The following UBE2K variants were observed in gnomAD, a reference collection of about 807,000 sequenced individuals.
UBE2K encodes ubiquitin-conjugating enzyme E2 K.
A neutral mutation model predicts 30.0 loss-of-function variants in UBE2K; 6 were observed. The observed-to-expected ratio is 0.20, with a 90% CI of 0.11 to 0.39. The LOEUF is 0.39. UBE2K is among the 10% of genes least tolerant of loss of function. The pLI, the probability that UBE2K is intolerant of heterozygous loss-of-function variation, is 1.00. For missense variants in UBE2K, 61 were observed against 241.6 expected, an observed-to-expected ratio of 0.25 and a Z score of 4.96; for synonymous variants, 86 against 83.7, an observed-to-expected ratio of 1.03 and a Z score of -0.15.
At chr4:39,760,196 A>AAAAAG (rs1560372509) in intron 4 of UBE2K, among the ~76,000 whole-genome samples, 80 of 7,894 alleles carry the variant, frequency 0.01, no homozygotes, top group East Asian at 0.044. Flanking sequence ...AAAAAAACAG[A>AAAAAG]AAAAAAAAAA....
intron 6 of UBE2K, among the ~76,000 whole-genome samples, chr4:39,778,012 C>T (rs553621802): frequency 6.8e-6 from 1 of 147,418 alleles, no homozygotes; most frequent in African/African-American, 2.5e-5. Flanking sequence ...GTGAGAGAAT[C>T]CCTTGGGCCC....
intron 1 of UBE2K, among the ~76,000 whole-genome samples, chr4:39,705,786 C>G (rs901667120): frequency 1.1e-4 from 16 of 150,156 alleles, no homozygotes; most frequent in African/African-American, 3.7e-4. Context: ...CTCCCAGGTT[C>G]AACCAATACC....
chr4:39,754,797 A>C (rs915354410), intron 3 of UBE2K, among the ~76,000 whole-genome samples: 4 of 152,124 alleles, frequency 2.6e-5, no homozygotes, highest in Admixed American at 2.0e-4. Flanking sequence ...GTGAGTGCTA[A>C]TTTTTGTGAA....
intron 4 of UBE2K, among the ~76,000 whole-genome samples, chr4:39,769,334 A>G (rs1300978309): frequency 6.7e-6 from 1 of 149,406 alleles, no homozygotes; most frequent in African/African-American, 2.5e-5. Context: ...AAAATACTGT[A>G]TGTCTCTACT....
chr4:39,766,532 C>T (rs1340468763), intron 4 of UBE2K, among the ~76,000 whole-genome samples: 2 of 151,042 alleles, frequency 1.3e-5, no homozygotes, highest in African/African-American at 4.9e-5. Flanking sequence ...GGATATTAAG[C>T]CCTCACCAGA....
chr4:39,740,795 G>A (rs568856651), intron 2 of UBE2K, among the ~76,000 whole-genome samples: 10 of 150,304 alleles, frequency 6.7e-5, no homozygotes, highest in Admixed American at 4.0e-4. Flanking sequence ...CCCGGGAGGC[G>A]GAGCTTGCAG....
intron 3 of UBE2K, among the ~76,000 whole-genome samples, chr4:39,754,467 T>G (rs893933472): frequency 5.9e-5 from 9 of 152,140 alleles, no homozygotes; most frequent in Non-Finnish European, 1.3e-4. Flanking sequence ...AAGAGAGAAG[T>G]GGAAACTCTT....
At chr4:39,708,805 G>C (rs568491668) in intron 1 of UBE2K, among the ~76,000 whole-genome samples, 1 of 151,936 alleles carries the variant, frequency 6.6e-6, no homozygotes, top group Admixed American at 6.6e-5. Context: ...TTGCATACCA[G>C]TTTAGTCATA....
chr4:39,741,123 TAGC>T (rs1272641384), intron 2 of UBE2K, among the ~76,000 whole-genome samples: 2 of 151,890 alleles, frequency 1.3e-5, no homozygotes, highest in Non-Finnish European at 2.9e-5. Context: ...ATACAAAAAT[TAGC>T]TGGGTGTGGT....
At position 39,758,774 on chromosome 4, in the gene UBE2K, G is replaced by A. The variant is rs376861623; in HGVS notation, c.299+3035G>A. Among the ~76,000 whole-genome samples, 4 of 152,140 alleles carry A rather than the reference G, an allele frequency of 2.6e-5. No individual in the cohort carries two copies. The East Asian group carries it at 5.8e-4, about 22-fold the overall frequency. On this transcript the variant is annotated intron_variant, in intron 4 of 6. Coordinates refer to ENST00000261427, the MANE Select transcript of UBE2K (RefSeq NM_005339.5). ...AGTTAAGCCAACAGTACTATTACTT[G>A]TAATTATCTTCCTATATAGCTAGTT...
chr4:39,737,042 A>T (rs1238359658), intron 1 of UBE2K, among the ~76,000 whole-genome samples: 1 of 152,216 alleles, frequency 6.6e-6, no homozygotes, highest in East Asian at 1.9e-4. Context: ...TCGTGGGGGT[A>T]TAGTGCAGAA....
intron 1 of UBE2K, among the ~76,000 whole-genome samples, chr4:39,729,874 T>A (rs1719977653): frequency 6.6e-6 from 1 of 152,254 alleles, no homozygotes; most frequent in African/African-American, 2.4e-5. Flanking sequence ...TGGCTTTTCC[T>A]AAAGTTAAGT....
At chr4:39,722,872 T>TG (rs1223905040) in intron 1 of UBE2K, among the ~76,000 whole-genome samples, 1 of 150,996 alleles carries the variant, frequency 6.6e-6, no homozygotes, top group Non-Finnish European at 1.5e-5. Context: ...CTCGGCTCAC[T>TG]GCAACCTTCG....
At chr4:39,760,064 C>A (rs1053173729) in intron 4 of UBE2K, among the ~76,000 whole-genome samples, 4 of 150,120 alleles carry the variant, frequency 2.7e-5, no homozygotes, top group Non-Finnish European at 4.4e-5. Flanking sequence ...GTAATCCCAG[C>A]TACTCGTGGG....
chr4:39,771,529 C>A (rs1192803113), intron 4 of UBE2K, among the ~76,000 whole-genome samples: 7 of 152,124 alleles, frequency 4.6e-5, no homozygotes, highest in South Asian at 2.1e-4. Flanking sequence ...GAAGCGCCCC[C>A]CACACACGGG....
chr4:39,736,043 A>C (rs552198116), intron 1 of UBE2K, among the ~76,000 whole-genome samples: 1 of 152,190 alleles, frequency 6.6e-6, no homozygotes, highest in East Asian at 1.9e-4. Context: ...GGAGGAAGCC[A>C]AAGACAGTAA....
At chr4:39,756,802 A>C (rs305825) in intron 4 of UBE2K, among the ~76,000 whole-genome samples, 124,975 of 151,984 alleles carry the variant, frequency 0.82, 51,800 homozygotes, top group East Asian at 0.92. Flanking sequence ...AAAATCAATT[A>C]AGTGAGTGTC....
At chr4:39,714,550 A>ATATATATATATATATATTTTTTT in intron 1 of UBE2K, 4 of 17,846 alleles carry the variant, frequency 2.2e-4, no homozygotes, top group East Asian at 3.6e-3. Flanking sequence ...ATATATATAT[A>ATATATATATATATATATTTTTTT]TTTTTTTTTT....
intron 1 of UBE2K, among the ~76,000 whole-genome samples, chr4:39,726,459 A>C (rs1442348002): frequency 6.6e-6 from 1 of 151,514 alleles, no homozygotes; most frequent in Non-Finnish European, 1.5e-5. Context: ...GGGCTTAAAC[A>C]ATCCTCCTGC....
Sources: allele counts gnomAD v4.1 joint callset (sites outside exome capture counted in the v4.1 genomes callset), GRCh38; gene constraint gnomAD v4.1.1; transcripts MANE v1.5; gene names NCBI Gene and HGNC (gene_info 2026-07-23, HGNC 2026-07-21).